Variants in NF1 observed in about 807,000 individuals in gnomAD.
The protein encoded by NF1 is neurofibromin.
A neutral mutation model predicts 325.7 loss-of-function variants in NF1; 122 were observed. The observed-to-expected ratio is 0.37, with a 90% CI of 0.32 to 0.44. The LOEUF is 0.44. Among genes scored for constraint, NF1 ranks in the 20% least tolerant of loss-of-function variants. The pLI is 1.00. For synonymous variants in NF1, 1,091 were observed against 1,186.0 expected (o/e 0.92, Z 1.65); for missense variants, 2,140 against 3,415.4 (o/e 0.63, Z 9.31).
intron 10 of NF1, 21 bp downstream of exon 10, chr17:31,201,180 C>T (rs1289838946): frequency 3.7e-6 from 6 of 1,613,706 alleles, no homozygotes; most frequent in Non-Finnish European, 5.1e-6. Context: ...TGGTTTTTAT[C>T]TAACTATATT....
intron 36 of NF1, among the ~76,000 whole-genome samples, chr17:31,302,955 C>G (rs1329437914): frequency 6.6e-6 from 1 of 152,028 alleles, no homozygotes; most frequent in African/African-American, 2.4e-5. Flanking sequence ...GTAAGAAGCT[C>G]AAGGAAGTGT....
intron 1 of NF1, among the ~76,000 whole-genome samples, chr17:31,113,262 T>TC (rs1913582900): frequency 6.6e-6 from 1 of 152,150 alleles, no homozygotes; most frequent in East Asian, 1.9e-4. Context: ...TTGTTTTTAT[T>TC]TAGGCCATAG....
intron 1 of NF1, among the ~76,000 whole-genome samples, chr17:31,098,523 C>G (rs1258593505): frequency 1.3e-5 from 2 of 152,082 alleles, no homozygotes; most frequent in Non-Finnish European, 2.9e-5. Flanking sequence ...TGCCACCACT[C>G]CTGGATAACA....
chr17:31,338,514 T>C (rs1270663629), intron 45 of NF1, among the ~76,000 whole-genome samples, 190 bp from the exon 46 acceptor site: 5 of 152,194 alleles, frequency 3.3e-5, no homozygotes, highest in Middle Eastern at 3.2e-3. Context: ...CTGACTCTTA[T>C]AATGTAGAAA....
intron 8 of NF1, among the ~76,000 whole-genome samples, chr17:31,195,683 GC>G (rs1445621257): frequency 6.9e-6 from 1 of 144,622 alleles, no homozygotes; most frequent in Non-Finnish European, 1.5e-5. Flanking sequence ...CATTCATGTT[GC>G]CTTGAAAGAC....
intron 47 of NF1, among the ~76,000 whole-genome samples, chr17:31,341,660 TAATA>T (rs1431362919): frequency 2.0e-5 from 3 of 150,148 alleles, no homozygotes; most frequent in South Asian, 2.1e-4. Flanking sequence ...CAATTAAGGT[TAATA>T]AATGTTAGGA....
At chr17:31,291,944 A>G (rs958344197) in intron 36 of NF1, among the ~76,000 whole-genome samples, 6 of 152,188 alleles carry the variant, frequency 3.9e-5, no homozygotes, top group Non-Finnish European at 8.8e-5. Flanking sequence ...TTGGGTTTGG[A>G]CATACAGATG....
intron 29 of NF1, 119 bp from the exon 30 acceptor site, chr17:31,248,865 C>A: frequency 1.1e-6 from 1 of 901,088 alleles, no homozygotes; most frequent in Non-Finnish European, 1.7e-6. Flanking sequence ...TTTAAAGATT[C>A]CAATGAAGTC....
chr17:31,095,538 A>T, intron 1 of NF1, 169 bp downstream of exon 1: 1 of 547,524 alleles, frequency 1.8e-6, no homozygotes, highest in Non-Finnish European at 3.0e-6. Flanking sequence ...CCAAGGCGGG[A>T]GGTGAGGGGT....
intron 36 of NF1, chr17:31,305,773 C>T: frequency 1.4e-6 from 1 of 725,412 alleles, no homozygotes; most frequent in East Asian, 2.7e-5. Flanking sequence ...AGTTATTATT[C>T]CTAATTTAGA....
chr17:31,229,499 T>C, intron 21 of NF1, 34 bp downstream of exon 21: 1 of 1,582,492 alleles, frequency 6.3e-7, no homozygotes, highest in Non-Finnish European at 8.7e-7. Context: ...CCTTTCTCTA[T>C]GAATAGAGTG....
chr17:31,310,171 G>T (rs1341367114), intron 36 of NF1, among the ~76,000 whole-genome samples: 1 of 152,074 alleles, frequency 6.6e-6, no homozygotes, highest in African/African-American at 2.4e-5. Context: ...CATTGTTTCT[G>T]TAGGTAAAGA....
chr17:31,341,594 A>AGTGTGTGTGT (rs760580157), intron 47 of NF1, among the ~76,000 whole-genome samples: 6 of 145,038 alleles, frequency 4.1e-5, no homozygotes, highest in Admixed American at 1.4e-4. Context: ...ATATATATAA[A>AGTGTGTGTGT]GTGTGTGTGT....
chr17:31,231,000 C>A, intron 24 of NF1, 75 bp downstream of exon 24: 1 of 1,138,458 alleles, frequency 8.8e-7, no homozygotes, highest in Non-Finnish European at 1.3e-6. Context: ...CAGCTTTATA[C>A]TTGTATTTTG....
chr17:31,331,902 A>AT (rs200131796), intron 39 of NF1: 6,422 of 51,708 alleles, frequency 0.12, 1,515 homozygotes, highest in South Asian at 0.2. Context: ...ACCCTTCTCT[A>AT]TTAAAAAAAA....
chr17:31,282,891 G>C (rs879485385), intron 36 of NF1, among the ~76,000 whole-genome samples: 1 of 152,156 alleles, frequency 6.6e-6, no homozygotes, highest in Non-Finnish European at 1.5e-5. Context: ...CAGTGAATGA[G>C]AGTTTGAATT....
rs186214646 is a variant in NF1 at position 31,120,222 on chromosome 17, C to T, written c.60+24853C>T. On this transcript the variant is annotated intron_variant, in intron 1 of 57. Transcript: ENST00000358273. ...TGTAGTACAGCCATTTTCATGATATCGATTCTTCCTATTCATGAGCATGGA... is the reference window on the plus strand; with the variant it reads ...TGTAGTACAGCCATTTTCATGATATTGATTCTTCCTATTCATGAGCATGGA... Among the ~76,000 whole-genome samples, 5 of 152,174 alleles carry T rather than the reference C, an allele frequency of 3.3e-5. No individual in the cohort carries two copies. In the East Asian group the frequency reaches 9.7e-4, roughly 29 times the overall value.
chr17:31,117,597 C>T (rs1192069918), intron 1 of NF1, among the ~76,000 whole-genome samples: 6 of 132,302 alleles, frequency 4.5e-5, no homozygotes, highest in Admixed American at 4.4e-4. Flanking sequence ...GACGTGAACA[C>T]GGGAGGCGGA....
chr17:31,217,452 C>CA (rs1407850888), intron 13 of NF1, among the ~76,000 whole-genome samples: 2 of 151,696 alleles, frequency 1.3e-5, no homozygotes, highest in Non-Finnish European at 2.9e-5. Context: ...GCTGAGATTA[C>CA]AAGCACCCGC....
Sources: gnomAD v4.1 joint callset for allele counts (sites outside exome capture counted in the v4.1 genomes callset) on GRCh38, gnomAD v4.1.1 for gene constraint, MANE v1.5 for transcripts, NCBI Gene and HGNC (gene_info 2026-07-23, HGNC 2026-07-21) for gene names.